Variants in TEX36 observed in about 807,000 individuals in gnomAD.
TEX36 encodes testis expressed 36.
A neutral mutation model predicts 13.6 loss-of-function variants in TEX36; 12 were observed. The ratio of observed to expected loss-of-function variants is 0.88; its 90% confidence interval spans 0.56 to 1.43. The LOEUF (loss-of-function observed/expected upper bound fraction) is 1.43. Ranked by LOEUF, TEX36 falls within the 40% of genes most tolerant of loss-of-function variation. TEX36 has a pLI of 0.00. For synonymous variants in TEX36, 93 were observed against 83.0 expected (o/e 1.12, Z -0.65); for missense variants, 224 against 228.3 (o/e 0.98, Z 0.12).
intron 3 of TEX36, among the ~76,000 whole-genome samples, chr10:125,587,852 A>C (rs963787911): frequency 6.6e-6 from 1 of 151,552 alleles, no homozygotes; most frequent in African/African-American, 2.4e-5. Flanking sequence ...ACATATACAC[A>C]CGTATCCTTC....
intron 1 of TEX36, among the ~76,000 whole-genome samples, chr10:125,672,312 A>G (rs1298291566): frequency 6.6e-6 from 1 of 152,144 alleles, no homozygotes; most frequent in African/African-American, 2.4e-5. Flanking sequence ...TGTGTCCCAG[A>G]GATTCTGGTA....
chr10:125,576,637 G>A (rs893769149), exon 4 of TEX36: 4 of 1,339,774 alleles, frequency 3.0e-6, no homozygotes, highest in Non-Finnish European at 4.0e-6. Flanking sequence ...ATAAATCCTG[G>A]TGGTTACTAA....
intron 3 of TEX36, among the ~76,000 whole-genome samples, chr10:125,607,448 A>C (rs1337806203): frequency 6.6e-6 from 1 of 152,198 alleles, no homozygotes; most frequent in Non-Finnish European, 1.5e-5. Flanking sequence ...TTCAGAAGCT[A>C]TTGTTAGTGT....
intron 3 of TEX36, among the ~76,000 whole-genome samples, chr10:125,647,333 G>T (rs552800054): frequency 6.6e-6 from 1 of 152,070 alleles, no homozygotes. Flanking sequence ...CTTAAAATAT[G>T]CAGGGCTTTT....
chr10:125,603,658 GCA>G (rs1284809696), intron 3 of TEX36, among the ~76,000 whole-genome samples: 1 of 152,204 alleles, frequency 6.6e-6, no homozygotes, highest in African/African-American at 2.4e-5. Context: ...CTGTGGCAGG[GCA>G]TGCAGCCACC....
At chr10:125,624,795 G>A (rs982543079) in intron 3 of TEX36, among the ~76,000 whole-genome samples, 12 of 152,042 alleles carry the variant, frequency 7.9e-5, no homozygotes, top group Admixed American at 2.0e-4. Flanking sequence ...GAGGGGGCTC[G>A]GGGGCAGATC....
At chr10:125,595,766 T>A (rs1033502820) in intron 3 of TEX36, among the ~76,000 whole-genome samples, 4 of 152,184 alleles carry the variant, frequency 2.6e-5, no homozygotes, top group African/African-American at 9.6e-5. Flanking sequence ...CTTACCACTT[T>A]GTCTAGGATG....
chr10:125,608,252 G>A (rs1231993108), intron 3 of TEX36, among the ~76,000 whole-genome samples: 2 of 142,592 alleles, frequency 1.4e-5, no homozygotes, highest in East Asian at 4.0e-4. Flanking sequence ...GAGTTTGTGG[G>A]TGGTGGAAAT....
chr10:125,648,235 C>T (rs1846801975), intron 3 of TEX36, among the ~76,000 whole-genome samples: 1 of 152,220 alleles, frequency 6.6e-6, no homozygotes, highest in Non-Finnish European at 1.5e-5. Context: ...TGAGTAGCCT[C>T]ACTGGGAGAC....
chr10:125,614,686 C>T (rs1459111256), intron 3 of TEX36, among the ~76,000 whole-genome samples: 2 of 152,082 alleles, frequency 1.3e-5, no homozygotes, highest in Non-Finnish European at 2.9e-5. Context: ...TTACTGTAGC[C>T]TTGTAGCATA....
downstream of TEX36, among the ~76,000 whole-genome samples, chr10:125,653,899 T>A (rs1449381603): frequency 1.3e-5 from 2 of 151,830 alleles, no homozygotes; most frequent in Non-Finnish European, 2.9e-5. Context: ...AGACTAAGAG[T>A]TTGAGGCTGC....
chr10:125,610,145 C>T (rs1016342959), intron 3 of TEX36, among the ~76,000 whole-genome samples: 3 of 152,202 alleles, frequency 2.0e-5, no homozygotes, highest in East Asian at 1.9e-4. Flanking sequence ...TGCCCCTTCC[C>T]GGAAAACTCA....
At chr10:125,678,931 C>T (rs1847351805) in intron 1 of TEX36, among the ~76,000 whole-genome samples, 1 of 152,112 alleles carries the variant, frequency 6.6e-6, no homozygotes, top group Non-Finnish European at 1.5e-5. Flanking sequence ...GAGCAGGCCC[C>T]AGGTGGAGTG....
intron 3 of TEX36, among the ~76,000 whole-genome samples, chr10:125,613,850 T>C (rs1027109051): frequency 9.9e-5 from 15 of 152,270 alleles, no homozygotes; most frequent in South Asian, 2.1e-4. Flanking sequence ...CCTGAGGAAT[T>C]GCCACACTGA....
At chr10:125,609,429 C>A (rs895479002) in intron 3 of TEX36, among the ~76,000 whole-genome samples, 1 of 152,226 alleles carries the variant, frequency 6.6e-6, no homozygotes, top group African/African-American at 2.4e-5. Context: ...CCAAGCTCAA[C>A]TGCATTCAGC....
chr10:125,619,089 C>T (rs991674090), downstream of TEX36, among the ~76,000 whole-genome samples: 1 of 151,184 alleles, frequency 6.6e-6, no homozygotes, highest in Admixed American at 6.6e-5. Context: ...GAGATCGCGT[C>T]ACTGCACTCC....
chr10:125,581,262 C>A (rs970771874), intron 3 of TEX36, among the ~76,000 whole-genome samples: 3 of 152,138 alleles, frequency 2.0e-5, no homozygotes, highest in Admixed American at 2.0e-4. Flanking sequence ...TGACAAACAC[C>A]CCCAGCCTCC....
At chr10:125,614,665 T>G (rs896610661) in intron 3 of TEX36, among the ~76,000 whole-genome samples, 1 of 152,112 alleles carries the variant, frequency 6.6e-6, no homozygotes, top group Non-Finnish European at 1.5e-5. Context: ...ACCAGTACCA[T>G]GCTGTTTTGG....
chr10:125,607,711 G>T (rs1346807228), intron 3 of TEX36, among the ~76,000 whole-genome samples: 1 of 151,864 alleles, frequency 6.6e-6, no homozygotes, highest in Non-Finnish European at 1.5e-5. Context: ...ATCTGCTCAT[G>T]TCCACCTTTG....
Sources: allele counts gnomAD v4.1 joint callset (sites outside exome capture counted in the v4.1 genomes callset), GRCh38; gene constraint gnomAD v4.1.1; transcripts MANE v1.5; gene names NCBI Gene and HGNC (gene_info 2026-07-23, HGNC 2026-07-21).